SFT2D1: variants seen among roughly 807,000 people sequenced by gnomAD.
The protein encoded by SFT2D1 is SFT2 domain containing 1.
A neutral mutation model predicts 28.1 loss-of-function variants in SFT2D1; 24 were observed. That is an observed-to-expected ratio of 0.85 (90% CI 0.62 to 1.20). The LOEUF is 1.20. Among genes scored for constraint, SFT2D1 ranks in the 50% most tolerant of loss-of-function variants. The pLI is 0.00. For missense variants in SFT2D1, 181 were observed against 190.9 expected, an observed-to-expected ratio of 0.95 and a Z score of 0.31; for synonymous variants, 82 against 73.7, an observed-to-expected ratio of 1.11 and a Z score of -0.58.
At chr6:166,336,190 G>C (rs1778647237) in intron 1 of SFT2D1, among the ~76,000 whole-genome samples, 1 of 152,118 alleles carries the variant, frequency 6.6e-6, no homozygotes, top group South Asian at 2.1e-4. Flanking sequence ...GGTGATGCCA[G>C]GTTCTACTTG....
At chr6:166,324,373 T>C (rs1778406900) in intron 6 of SFT2D1, 164 bp downstream of exon 6, 2 of 581,466 alleles carry the variant, frequency 3.4e-6, no homozygotes, top group South Asian at 2.5e-5. Context: ...AGCCACGCTG[T>C]CAAGTGCAAC....
chr6:166,335,042 A>T, intron 1 of SFT2D1: 1 of 523,936 alleles, frequency 1.9e-6, no homozygotes, highest in Non-Finnish European at 3.7e-6. Context: ...GACAACCACG[A>T]CGCTGTGGAC....
chr6:166,326,386 A>C (rs181876300), intron 4 of SFT2D1, among the ~76,000 whole-genome samples: 7 of 152,362 alleles, frequency 4.6e-5, no homozygotes, highest in African/African-American at 1.2e-4. Context: ...CTAATAATTT[A>C]ATCTGTTAAG....
intron 1 of SFT2D1, among the ~76,000 whole-genome samples, chr6:166,340,536 C>T (rs1162911969): frequency 6.6e-6 from 1 of 152,194 alleles, no homozygotes; most frequent in African/African-American, 2.4e-5. Flanking sequence ...GACCACACAC[C>T]ACTTGGGACT....
intron 3 of SFT2D1, 98 bp downstream of exon 3, chr6:166,329,409 T>C: frequency 1.1e-6 from 1 of 912,742 alleles, no homozygotes; most frequent in East Asian, 2.5e-5. Flanking sequence ...ATTCACAGTA[T>C]GTACAGAACT....
Position 166,330,245 on chromosome 6 carries a change from G to T in SFT2D1, c.66C>A (p.Val22=), listed in dbSNP as rs757816564. 1.3e-6 allele frequency: 2 copies of T among 1,591,822 alleles called. No individual in the cohort carries two copies. Among genetic ancestry groups the T allele is most frequent in the Non-Finnish European group, 1.7e-6 (2 of 1,172,206 alleles). ...TGAAACTAAGGGATGAGGCATCCAG[G>T]ACCTTAATAAAAAATGGGAAAATTT... ...DDEEQGLTAQ[V]LDASSLSFNT... Residue 22 remains valine, a splice_region_variant and synonymous_variant, in exon 2 of 8, where the codon GTC becomes GTA. Coordinates refer to ENST00000361731, the MANE Select transcript of SFT2D1 (RefSeq NM_145169.3).
At chr6:166,341,279 T>C (rs1778775295) in intron 1 of SFT2D1, among the ~76,000 whole-genome samples, 1 of 151,990 alleles carries the variant, frequency 6.6e-6, no homozygotes, top group African/African-American at 2.4e-5. Flanking sequence ...AACCCCCATC[T>C]CTACTAAAAA....
Position 166,320,095 on chromosome 6 carries a change from T to C in SFT2D1, c.*122A>G. 1.3e-6 allele frequency: 1 copy of C among 786,144 alleles called. No homozygotes were observed. Among genetic ancestry groups the C allele is most frequent in the South Asian group, 1.6e-5 (1 of 61,384 alleles). The allele number at this position is 786,144 out of a possible 1,614,324, so 48.7% of individuals were successfully genotyped here. On this transcript the variant is annotated 3_prime_UTR_variant, in exon 8 of 8. Transcript: ENST00000361731. Reference sequence around the variant, plus strand: ...TTTTACCAGTATACAAAATGAGACTTAGTACAAAACGGTCTTCAACTGTCA... The same window carrying C: ...TTTTACCAGTATACAAAATGAGACTCAGTACAAAACGGTCTTCAACTGTCA...
At chr6:166,334,644 G>A in intron 1 of SFT2D1, 3 of 211,468 alleles carry the variant, frequency 1.4e-5, no homozygotes, top group Non-Finnish European at 1.9e-5. Context: ...TCTCGGCACT[G>A]GAGGGCTGAG....
Position 166,324,582 on chromosome 6 carries a change from C to T in SFT2D1, c.365G>A (p.Gly122Glu). ...LCAALWWHKK[G>E]LAVLFCILQF... ...CAATATGCAGAATAACACAGCCAGT[C>T]CCTTCTTATGCCACTAACAACAGCA... Residue 122 changes from glycine to glutamate, a missense_variant, in exon 6 of 8, where the codon GGA becomes GAA. By Grantham distance (98) the Gly-to-Glu change is moderately conservative. Transcript: ENST00000361731. 1 of 1,612,770 alleles carries T rather than the reference C, an allele frequency of 6.2e-7. No homozygotes were observed.
intron 7 of SFT2D1, among the ~76,000 whole-genome samples, chr6:166,321,399 G>A (rs971702260): frequency 6.6e-6 from 1 of 152,150 alleles, no homozygotes; most frequent in South Asian, 2.1e-4. Flanking sequence ...AGAGCCTCTT[G>A]TATGGGACAT....
chr6:166,334,893 A>T (rs1778617138), intron 1 of SFT2D1: 1 of 422,048 alleles, frequency 2.4e-6, no homozygotes. Flanking sequence ...ACTGTGAAAA[A>T]GATATTTGCT....
At chr6:166,329,176 C>T (rs537240608) in intron 3 of SFT2D1, among the ~76,000 whole-genome samples, 24 of 152,332 alleles carry the variant, frequency 1.6e-4, no homozygotes, top group African/African-American at 5.5e-4. Context: ...AGCACTGACT[C>T]CCCTGCTCTG....
intron 1 of SFT2D1, 61 bp downstream of exon 1, chr6:166,342,358 C>A: frequency 6.7e-7 from 1 of 1,490,146 alleles, no homozygotes; most frequent in South Asian, 1.3e-5. Context: ...CTCGGCCGGT[C>A]CTCAGTGCGG....
At chr6:166,342,196 G>A (rs189579042) in intron 1 of SFT2D1, among the ~76,000 whole-genome samples, 1 of 133,962 alleles carries the variant, frequency 7.5e-6, no homozygotes, top group Non-Finnish European at 1.7e-5. Flanking sequence ...CCAGATGGGA[G>A]AGTCGGGGGG....
chr6:166,333,994 C>G (rs367902348), intron 1 of SFT2D1, among the ~76,000 whole-genome samples: 13 of 152,358 alleles, frequency 8.5e-5, no homozygotes, highest in African/African-American at 2.6e-4. Context: ...CCTGTCCACC[C>G]TGCTTTACAG....
intron 1 of SFT2D1, chr6:166,334,873 G>A (rs533615682): frequency 2.1e-5 from 9 of 418,898 alleles, no homozygotes; most frequent in African/African-American, 8.2e-5. Context: ...TCTCAAAGAC[G>A]AGGTGCCCAA....
intron 4 of SFT2D1, among the ~76,000 whole-genome samples, chr6:166,327,043 T>C (rs1048860605): frequency 6.6e-6 from 1 of 152,094 alleles, no homozygotes; most frequent in Non-Finnish European, 1.5e-5. Flanking sequence ...TGAAGTTGAA[T>C]AAAGACATAA....
intron 1 of SFT2D1, chr6:166,335,084 A>G: frequency 1.8e-6 from 1 of 569,434 alleles, no homozygotes; most frequent in Middle Eastern, 5.6e-4. Flanking sequence ...CATACTGTGA[A>G]TGGCCAAAAC....
Sources: allele counts gnomAD v4.1 joint callset (sites outside exome capture counted in the v4.1 genomes callset), GRCh38; gene constraint gnomAD v4.1.1; transcripts MANE v1.5; gene names NCBI Gene and HGNC (gene_info 2026-07-23, HGNC 2026-07-21).